UNKL: variants seen among roughly 807,000 people sequenced by gnomAD.
UNKL encodes putative E3 ubiquitin-protein ligase UNKL.
A neutral mutation model predicts 78.0 loss-of-function variants in UNKL; 60 were observed. The observed-to-expected ratio is 0.77, with a 90% CI of 0.63 to 0.95. UNKL has a LOEUF of 0.95. Ranked by LOEUF, UNKL falls within the 40% of genes least tolerant of loss-of-function variation. The pLI is 0.00. For missense variants in UNKL, 1,159 were observed against 1,045.7 expected, an observed-to-expected ratio of 1.11 and a Z score of -1.49; for synonymous variants, 608 against 474.8, an observed-to-expected ratio of 1.28 and a Z score of -3.65.
intron 6 of UNKL, among the ~76,000 whole-genome samples, chr16:1,396,522 C>T (rs979609781): frequency 1.6e-4 from 25 of 151,756 alleles, no homozygotes; most frequent in Middle Eastern, 3.4e-3. Flanking sequence ...GTGATTTGCC[C>T]GCCTCTGCCT....
intron 10 of UNKL, chr16:1,379,676 G>T (rs1024660912): frequency 3.0e-6 from 3 of 984,368 alleles, no homozygotes; most frequent in South Asian, 4.6e-5. Context: ...CGCCGCCGGG[G>T]ATTCAAACCC....
chr16:1,392,929 T>TGAGGTG lies in UNKL; in HGVS notation c.979_984dup (p.His327_Leu328dup), dbSNP rs1275861531. ...CCGCTGCCCGTGGAGGAAGGACTCG[T>TGAGGTG]GAGGTGGAGGTCGTGACAGCCCCAT... On this transcript the variant is annotated inframe_insertion, in exon 8 of 15. Transcript: ENST00000389221. 3 of 1,550,396 alleles carry TGAGGTG rather than the reference T, an allele frequency of 1.9e-6. No individual in the cohort carries two copies. In the African/African-American group the frequency reaches 4.1e-5, roughly 21 times the overall value.
chr16:1,395,043 A>G (rs1596732390), intron 6 of UNKL, among the ~76,000 whole-genome samples: 1 of 151,936 alleles, frequency 6.6e-6, no homozygotes, highest in Non-Finnish European at 1.5e-5. Flanking sequence ...ACACCTGGCT[A>G]ATTTTTGTAG....
intron 12 of UNKL, chr16:1,368,173 A>C (rs988677622): frequency 1.6e-5 from 7 of 425,814 alleles, no homozygotes; most frequent in Non-Finnish European, 3.0e-5. Flanking sequence ...TGGGAGGGGC[A>C]GTGGTTCTCA....
At chr16:1,374,529 C>T (rs987154052) in intron 10 of UNKL, among the ~76,000 whole-genome samples, 4 of 152,158 alleles carry the variant, frequency 2.6e-5, no homozygotes, top group Non-Finnish European at 5.9e-5. Context: ...GTCGGCGCGC[C>T]GGGAACCTCC....
rs768298679 is a variant in UNKL, at chr16:1,413,959, G to T, written c.174C>A (p.Leu58=). 1 of 1,552,898 alleles carries T rather than the reference G, an allele frequency of 6.4e-7. No individual in the cohort carries two copies. The highest frequency in any genetic ancestry group is 2.4e-5 in the East Asian group (1 of 40,966). ...RPFTCFHWHF[L]NQRRRRPLRR... ...GGAGGGGCCTGCGGCGCCGCTGGTT[G>T]AGGAAGTGCCAGTGGAAGCAGGTGA... The change falls in exon 2 of 15, where the codon CTC becomes CTA. Residue 58 remains leucine, a synonymous_variant. Coordinates refer to ENST00000389221, the MANE Select transcript of UNKL (RefSeq NM_001372107.1).
In UNKL at chr16:1,399,635, C is replaced by CA. The variant is rs763937204; in HGVS notation, c.599-127dup. The CA allele has an allele frequency of 5.8e-6, 8 of 1,391,008 alleles. No homozygotes were observed. The highest frequency in any genetic ancestry group is 7.8e-6 in the Non-Finnish European group (8 of 1,025,190). 86.2% of individuals were successfully genotyped at this position (1,391,008 alleles called of 1,614,324 possible). ...GGGCTGCAGGAGGACTTGGGGAGCG[C>CA]AGACACACGCCACGGCACACGCTGA... is the stretch of plus-strand genomic sequence containing the variant. On this transcript the variant is annotated intron_variant, in intron 4 of 14. Coordinates refer to ENST00000389221, the MANE Select transcript of UNKL (RefSeq NM_001372107.1). The surrounding 1 kb of genome is among the most constrained non-coding windows in gnomAD (Gnocchi z 5.8).
At chr16:1,388,078 G>C (rs1452202693) in intron 9 of UNKL, among the ~76,000 whole-genome samples, 1 of 152,194 alleles carries the variant, frequency 6.6e-6, no homozygotes, top group African/African-American at 2.4e-5. Context: ...TCCCATGTAA[G>C]GGAGAGCTGA....
At chr16:1,386,227 G>A (rs929487278) in intron 9 of UNKL, among the ~76,000 whole-genome samples, 2 of 152,136 alleles carry the variant, frequency 1.3e-5, no homozygotes, top group African/African-American at 4.8e-5. Context: ...TGGCCAACAT[G>A]GCGAAACCCT....
In UNKL at chr16:1,403,584, C is replaced by T. The variant is rs965271918; in HGVS notation, c.288-240G>A. Among the ~76,000 whole-genome samples the T allele has an allele frequency of 6.6e-6, 1 of 152,120 alleles. No homozygotes were observed. Among genetic ancestry groups the T allele is most frequent in the African/African-American group, 2.4e-5 (1 of 41,410 alleles). Reference sequence around the variant, plus strand: ...TCAACCAGTCAAACACAGTAAGAAACACAGACCATCGCAAACCCCCAGTCA... The same window carrying T: ...TCAACCAGTCAAACACAGTAAGAAATACAGACCATCGCAAACCCCCAGTCA... On this transcript the variant is annotated intron_variant, in intron 2 of 14. Transcript: ENST00000389221. The surrounding 1 kb of genome is among the most constrained non-coding windows in gnomAD (Gnocchi z 4.8).
At chr16:1,383,883 C>T (rs1228952586) in intron 10 of UNKL, 2 of 411,964 alleles carry the variant, frequency 4.9e-6, no homozygotes, top group Admixed American at 2.5e-5. Context: ...GCTCCCCCGC[C>T]ACACCCTGCA....
chr16:1,408,057 A>C (rs1228330455), intron 2 of UNKL, among the ~76,000 whole-genome samples: 1 of 152,036 alleles, frequency 6.6e-6, no homozygotes, highest in African/African-American at 2.4e-5. Flanking sequence ...GTGAGCCAAG[A>C]TCGAGCCACG....
At chr16:1,380,945 G>A (rs909619682) in intron 10 of UNKL, among the ~76,000 whole-genome samples, 19 of 152,280 alleles carry the variant, frequency 1.2e-4, no homozygotes, top group African/African-American at 4.3e-4. Flanking sequence ...AAAGTGCTGG[G>A]ATTACAGGCG....
At chr16:1,413,243 C>CAAAA (rs546295462) in intron 2 of UNKL, among the ~76,000 whole-genome samples, 4 of 71,648 alleles carry the variant, frequency 5.6e-5, no homozygotes, top group Non-Finnish European at 1.0e-4. Flanking sequence ...GACCCTGTCT[C>CAAAA]AAAAAAAAAA....
chr16:1,390,554 G>A (rs985225317), intron 9 of UNKL, 78 bp downstream of exon 9: 69 of 1,462,984 alleles, frequency 4.7e-5, no homozygotes, highest in Middle Eastern at 2.0e-4. Context: ...GCGATGCCAC[G>A]GGTCAGGCAC....
chr16:1,398,846 G>T, intron 5 of UNKL: 1 of 1,567,968 alleles, frequency 6.4e-7, no homozygotes, highest in East Asian at 2.3e-5. Flanking sequence ...TGGGGCTCAG[G>T]CGGTGGAGGA....
At chr16:1,412,551 C>T (rs59433336) in intron 2 of UNKL, among the ~76,000 whole-genome samples, 7 of 152,170 alleles carry the variant, frequency 4.6e-5, no homozygotes, top group Non-Finnish European at 1.0e-4. Flanking sequence ...CAGAGGTTGC[C>T]GTGAGCCAAG....
rs774725882 is a variant in UNKL at position 1,414,662 on chromosome 16, C to T, written c.30G>A (p.Ala10=). The change falls in exon 1 of 15, where the codon GCG becomes GCA. Residue 10 remains alanine, a synonymous_variant. Transcript: ENST00000389221. The part of the protein sequence containing the change: MPSVSKAAA[A]ALSGSPPQTE... ...TCTGCGGGGGGGACCCGCTCAGCGCCGCTGCCGCCGCTTTCGAAACCGACG... is the reference window on the plus strand; with the variant it reads ...TCTGCGGGGGGGACCCGCTCAGCGCTGCTGCCGCCGCTTTCGAAACCGACG... The T allele has an allele frequency of 7.4e-5, 85 of 1,149,442 alleles. No individual in the cohort carries two copies. The highest frequency in any genetic ancestry group is 1.0e-4 in the African/African-American group (6 of 59,454). 71.2% of individuals were successfully genotyped at this position (1,149,442 alleles called of 1,614,324 possible). A position where few individuals can be genotyped will look rare whatever the true frequency, so the allele number is the denominator to read the frequency against.
chr16:1,369,958 G>C (rs974512868), intron 12 of UNKL, 172 bp downstream of exon 12: 9 of 1,549,996 alleles, frequency 5.8e-6, no homozygotes, highest in Non-Finnish European at 7.8e-6. Context: ...CTGGGCGACA[G>C]AGCGAGACTC....
Sources: gnomAD v4.1 joint callset for allele counts (sites outside exome capture counted in the v4.1 genomes callset) on GRCh38, gnomAD v4.1.1 for gene constraint, Gnocchi (gnomAD v3.1) non-coding constraint, MANE v1.5 for transcripts, NCBI Gene and HGNC (gene_info 2026-07-23, HGNC 2026-07-21) for gene names.